BRME1: variants seen among roughly 807,000 people sequenced by gnomAD.
The protein encoded by BRME1 is break repair meiotic recombinase recruitment factor 1, also known as BRCA2 and MEILB2-associating protein 1.
In BRME1, 31 loss-of-function variants were observed where a neutral mutation model predicts 52.6. That is an observed-to-expected ratio of 0.59 (90% CI 0.44 to 0.80). The LOEUF (loss-of-function observed/expected upper bound fraction) is 0.80, where lower values mean the gene tolerates loss of function less well. Among genes scored for constraint, BRME1 ranks in the 30% least tolerant of loss-of-function variants. The pLI is 0.00. For missense variants in BRME1, 804 were observed against 860.3 expected (o/e 0.93, Z 0.82); for synonymous variants, 359 against 353.6 (o/e 1.02, Z -0.17).
At position 13,883,898 on chromosome 19, in the gene BRME1, T is replaced by G. The variant is rs2145101538; in HGVS notation, c.1764-498A>C. Among the ~76,000 whole-genome samples, 1 of 152,256 alleles carries G rather than the reference T, an allele frequency of 6.6e-6. No individual in the cohort carries two copies. Among genetic ancestry groups the G allele is most frequent in the South Asian group, 2.1e-4 (1 of 4,830 alleles). On this transcript the variant is annotated intron_variant, in intron 7 of 8. Coordinates refer to ENST00000586783, the MANE Select transcript of BRME1 (RefSeq NM_001345843.2). This position sits in a 1 kb window ranked among gnomAD's most constrained non-coding sequence, Gnocchi z 4.2. ...GGTGGTGGCTTCCCTGATTCCTCCT[T>G]ACATTTTAACCCCTTCTCCGCTGCC...
At position 13,890,348 on chromosome 19, in the gene BRME1, C is replaced by T. The variant is rs1339676771; in HGVS notation, c.508G>A (p.Ala170Thr). ...ELGDPTQADS[A>T]RPEQSSQSPV... The stretch of plus-strand genomic sequence containing the variant: ...CTCTGGCTGCTCTGCTCAGGGCGGG[C>T]ACTGTCTGCCTGCGTTGGGTCCCCC... The change falls in exon 6 of 9, where the codon GCC (alanine) becomes ACC (threonine). Residue 170 changes from alanine to threonine, a missense_variant. Ala to Thr is a moderately conservative substitution (Grantham distance 58). Around this residue, in one of 3 missense-constraint regions of BRME1, gnomAD observed 234 missense variants for 258.1 expected, o/e 0.91. Transcript: ENST00000586783. The T allele has an allele frequency of 1.9e-6, 3 of 1,579,156 alleles. No homozygotes were observed. The highest frequency in any genetic ancestry group is 2.6e-6 in the Non-Finnish European group (3 of 1,164,756).
At position 13,889,542 on chromosome 19, in the gene BRME1, T is replaced by G; in HGVS notation, c.1314A>C (p.Ala438=). 6.2e-7 allele frequency: 1 copy of G among 1,613,784 alleles called. No homozygotes were observed. The highest frequency in any genetic ancestry group is 1.3e-5 in the African/African-American group (1 of 75,054). Residue 438 remains alanine (A), a synonymous_variant, in exon 6 of 9, where the codon GCA becomes GCC. Coordinates refer to ENST00000586783, the MANE Select transcript of BRME1 (RefSeq NM_001345843.2). The part of the protein sequence containing the change: ...SMMGAGDSGH[A]SPDTGPCVNQ... ...TGACACATGGACCTGTGTCCGGGGA[T>G]GCATGACCGGAATCTCCAGCACCCA...
Position 13,883,582 on chromosome 19 carries a change from A to G in BRME1, c.1764-182T>C. 1 of 559,296 alleles carries G rather than the reference A, an allele frequency of 1.8e-6. No homozygotes were observed. The highest frequency in any genetic ancestry group is 3.0e-5 in the East Asian group (1 of 33,670). 34.6% of individuals were successfully genotyped at this position (559,296 alleles called of 1,614,324 possible). ...GGCTCCACTGCCCAGCAGGCCCAGA[A>G]CCCAACCGCTTCTCCCCTACCTGCC... On this transcript the variant is annotated intron_variant, in intron 7 of 8. Transcript: ENST00000586783. This position sits in a 1 kb window ranked among gnomAD's most constrained non-coding sequence, Gnocchi z 4.2.
intron 2 of BRME1, among the ~76,000 whole-genome samples, chr19:13,902,819 G>C (rs532813227): frequency 2.6e-5 from 4 of 151,788 alleles, no homozygotes; most frequent in Non-Finnish European, 5.9e-5. Flanking sequence ...CAGCTACTTG[G>C]GAGGCTGAGG....
chr19:13,887,783 T>TC (rs1969146825), intron 6 of BRME1, among the ~76,000 whole-genome samples: 1 of 151,974 alleles, frequency 6.6e-6, no homozygotes, highest in African/African-American at 2.4e-5. Context: ...TTTTTTTTTT[T>TC]TTGAGACAGG....
intron 2 of BRME1, among the ~76,000 whole-genome samples, chr19:13,901,518 G>A (rs960464160): frequency 3.3e-5 from 5 of 151,826 alleles, no homozygotes; most frequent in African/African-American, 1.2e-4. Context: ...AGCCAACATG[G>A]TGAAACCCCG....
intron 5 of BRME1, among the ~76,000 whole-genome samples, chr19:13,891,240 C>T (rs949404390): frequency 2.0e-5 from 3 of 150,850 alleles, no homozygotes; most frequent in Admixed American, 6.6e-5. Context: ...ACCCCCACCT[C>T]CCGGGTTCAC....
chr19:13,905,171 G>T (rs1005879645), intron 1 of BRME1, among the ~76,000 whole-genome samples: 1 of 151,990 alleles, frequency 6.6e-6, no homozygotes, highest in Non-Finnish European at 1.5e-5. Context: ...GGGCCCTGGG[G>T]GGTCCTTATA....
rs1969233538 is a variant in BRME1, at chr19:13,888,921, T to C, written c.1668+267A>G. The stretch of plus-strand genomic sequence containing the variant: ...GGCACTCCTGGGGACTCCAGTTCAA[T>C]GTGGGGGGCCCGGCTGAGAAAGCAG... On this transcript the variant is annotated intron_variant, in intron 6 of 8. Coordinates refer to ENST00000586783, the MANE Select transcript of BRME1 (RefSeq NM_001345843.2). This position sits in a 1 kb window ranked among gnomAD's most constrained non-coding sequence, Gnocchi z 4.1. Among the ~76,000 whole-genome samples, 1 of 152,028 alleles carries C rather than the reference T, an allele frequency of 6.6e-6. No homozygotes were observed. Among genetic ancestry groups the C allele is most frequent in the Admixed American group, 6.6e-5 (1 of 15,258 alleles).
At chr19:13,902,361 C>T (rs1012968331) in intron 2 of BRME1, among the ~76,000 whole-genome samples, 2 of 151,636 alleles carry the variant, frequency 1.3e-5, no homozygotes, top group East Asian at 1.9e-4. Flanking sequence ...GAGCTGGGCG[C>T]GCTGGCTCAT....
At chr19:13,882,996 C>G in intron 8 of BRME1, 44 bp from the exon 9 acceptor site, 1 of 1,592,174 alleles carries the variant, frequency 6.3e-7, no homozygotes, top group Non-Finnish European at 8.5e-7. Context: ...CAGTGGTCAC[C>G]AGGTGACAGA....
In BRME1 at chr19:13,883,678, T is replaced by G. The variant is rs919218414; in HGVS notation, c.1764-278A>C. 13 of 392,014 alleles carry G rather than the reference T, an allele frequency of 3.3e-5. No individual in the cohort carries two copies. The East Asian group carries it at 5.7e-4, about 17-fold the overall frequency. 24.3% of individuals were successfully genotyped at this position (392,014 alleles called of 1,614,324 possible). On this transcript the variant is annotated intron_variant, in intron 7 of 8. Transcript: ENST00000586783. This position sits in a 1 kb window ranked among gnomAD's most constrained non-coding sequence, Gnocchi z 4.2. ...CCTGTGGCTTGTCCCCCACAGGCAC[T>G]GGGGGCTGTGAACTTGGAAACCTAG...
intron 3 of BRME1, among the ~76,000 whole-genome samples, chr19:13,893,874 G>A (rs1289149585): frequency 1.3e-5 from 2 of 151,646 alleles, no homozygotes; most frequent in East Asian, 1.9e-4. Flanking sequence ...CTATGATCAC[G>A]CCACTGCACT....
At chr19:13,893,088 C>A (rs1310612086) in intron 4 of BRME1, 54 bp downstream of exon 4, 2 of 1,519,438 alleles carry the variant, frequency 1.3e-6, no homozygotes, top group South Asian at 1.2e-5. Flanking sequence ...AGAGCCGGAA[C>A]TTTAAGGGAG....
rs1449205191 is a variant in BRME1, at chr19:13,895,952, T to C, written c.32-406A>G. Among the ~76,000 whole-genome samples, 3 of 152,216 alleles carry C rather than the reference T, an allele frequency of 2.0e-5. No homozygotes were observed. The East Asian group carries it at 5.8e-4, about 29-fold the overall frequency. Reference sequence around the variant, plus strand: ...AATTGCGATGTGTCTTCTTCTGGCATTTAAGAGGCTAAAGATGCTTATTGA... The same window carrying C: ...AATTGCGATGTGTCTTCTTCTGGCACTTAAGAGGCTAAAGATGCTTATTGA... On this transcript the variant is annotated intron_variant, in intron 2 of 8. Coordinates refer to ENST00000586783, the MANE Select transcript of BRME1 (RefSeq NM_001345843.2).
Position 13,883,376 on chromosome 19 carries a change from A to G in BRME1, c.1788T>C (p.Ser596=), listed in dbSNP as rs928444262. 1 of 1,534,986 alleles carries G rather than the reference A, an allele frequency of 6.5e-7. No homozygotes were observed. Among genetic ancestry groups the G allele is most frequent in the Non-Finnish European group, 8.7e-7 (1 of 1,146,000 alleles). The change falls in exon 8 of 9, where the codon TCT becomes TCC. Residue 596 remains serine, a synonymous_variant. Transcript: ENST00000586783. This position sits in a 1 kb window ranked among gnomAD's most constrained non-coding sequence, Gnocchi z 4.2. ...QPRTFVGIQA[S]EASRMEDATN... ...TGGCATCCTCCATCCTGGAGGCCTC[A>G]GAGGCCTGGATCCCCACGAAGGTCC...
At chr19:13,886,097 C>A (rs199510221) in intron 6 of BRME1, 42 bp from the exon 7 acceptor site, 1 of 1,563,090 alleles carries the variant, frequency 6.4e-7, no homozygotes. Context: ...AGGCCTGGGT[C>A]GGGCAAGCTC....
chr19:13,892,591 A>G (rs1489497816), intron 5 of BRME1, among the ~76,000 whole-genome samples, 195 bp downstream of exon 5: 2 of 152,192 alleles, frequency 1.3e-5, no homozygotes, highest in South Asian at 2.1e-4. Flanking sequence ...TCTGTCTCAA[A>G]AAAAAGAAAA....
At chr19:13,886,187 C>T in intron 6 of BRME1, 132 bp from the exon 7 acceptor site, 1 of 679,210 alleles carries the variant, frequency 1.5e-6, no homozygotes, top group Non-Finnish European at 2.5e-6. Context: ...CTGGCTGGGA[C>T]TCCTGCAGAG....
Sources: gnomAD v4.1 joint callset for allele counts (sites outside exome capture counted in the v4.1 genomes callset) on GRCh38, gnomAD v4.1.1 for gene constraint, gnomAD v4.1.1 regional missense constraint, Gnocchi (gnomAD v3.1) non-coding constraint, MANE v1.5 for transcripts, NCBI Gene and HGNC (gene_info 2026-07-23, HGNC 2026-07-21) for gene names.